The following SIAH2 variants were observed in gnomAD, a reference collection of about 807,000 sequenced individuals.
SIAH2 encodes E3 ubiquitin-protein ligase SIAH2.
Under a neutral mutation model 20.4 loss-of-function variants are expected in SIAH2, and 4 were observed. That is an observed-to-expected ratio of 0.20 (90% CI 0.10 to 0.45). The LOEUF is 0.45. SIAH2 is among the 20% of genes least tolerant of loss of function. The pLI is 0.99. For missense variants in SIAH2, 259 were observed against 440.3 expected (o/e 0.59, Z 3.69); for synonymous variants, 171 against 192.5 (o/e 0.89, Z 0.93).
chr3:150,744,137 C>A (rs1234330682), intron 1 of SIAH2, among the ~76,000 whole-genome samples: 1 of 151,988 alleles, frequency 6.6e-6, no homozygotes, highest in Non-Finnish European at 1.5e-5. Context: ...TCACTAGCAA[C>A]AAGCAGATGG....
Position 150,742,946 on chromosome 3 carries a change from T to C in SIAH2, c.418-248A>G, listed in dbSNP as rs1268930152. Reference sequence around the variant, plus strand: ...CTGTTTTCCATGCCCCCTGTTCCGCTGTCAAAGGGATCAGAACTAAAGTTC... The same window carrying C: ...CTGTTTTCCATGCCCCCTGTTCCGCCGTCAAAGGGATCAGAACTAAAGTTC... On this transcript the variant is annotated intron_variant, in intron 1 of 1. Coordinates refer to ENST00000312960, the MANE Select transcript of SIAH2 (RefSeq NM_005067.7). This position sits in a 1 kb window ranked among gnomAD's most constrained non-coding sequence, Gnocchi z 4.8. Among the ~76,000 whole-genome samples, 1 of 152,234 alleles carries C rather than the reference T, an allele frequency of 6.6e-6. No homozygotes were observed. The highest frequency in any genetic ancestry group is 2.4e-5 in the African/African-American group (1 of 41,458).
At chr3:150,743,083 G>A (rs1489699207) in intron 1 of SIAH2, among the ~76,000 whole-genome samples, 1 of 152,194 alleles carries the variant, frequency 6.6e-6, no homozygotes, top group African/African-American at 2.4e-5. Flanking sequence ...TGGTGGGGAT[G>A]GGGTTGGGCA....
At chr3:150,756,488 T>C (rs747601952) in intron 1 of SIAH2, among the ~76,000 whole-genome samples, 19 of 152,232 alleles carry the variant, frequency 1.2e-4, no homozygotes, top group Non-Finnish European at 2.4e-4. Flanking sequence ...TACTTTTTAA[T>C]GGGGCTTCAA....
In SIAH2 at chr3:150,762,544, G is replaced by C. The variant is rs1346833212; in HGVS notation, c.306C>G (p.Asn102Lys). 6.2e-7 allele frequency: 1 copy of C among 1,613,626 alleles called. No individual in the cohort carries two copies. Among genetic ancestry groups the C allele is most frequent in the Admixed American group, 1.7e-5 (1 of 60,016 alleles). ...AGCAGCTCAACTTCTGGCGGCATTG[G>C]TTACACACCAGGTGCCCGGCCTGGC... ...LQCQAGHLVC[N>K]QCRQKLSCCP... The change falls in exon 1 of 2, where the codon AAC becomes AAG. Residue 102 changes from asparagine (N) to lysine (K), a missense_variant. Physicochemically the swap from Asn to Lys is moderately conservative, Grantham distance 94 (BLOSUM62 0). Transcript: ENST00000312960. The surrounding 1 kb of genome is among the most constrained non-coding windows in gnomAD (Gnocchi z 6.6).
At chr3:150,744,744 G>T (rs1714172129) in intron 1 of SIAH2, among the ~76,000 whole-genome samples, 1 of 152,150 alleles carries the variant, frequency 6.6e-6, no homozygotes, top group South Asian at 2.1e-4. Context: ...GCCCAGGAAT[G>T]AGATGAACTT....
chr3:150,762,633 C>T lies in SIAH2; in HGVS notation c.217G>A (p.Glu73Lys), dbSNP rs1301213153. The T allele has an allele frequency of 6.2e-7, 1 of 1,604,484 alleles. No homozygotes were observed. Among genetic ancestry groups the T allele is most frequent in the Non-Finnish European group, 8.5e-7 (1 of 1,176,828 alleles). The change falls in exon 1 of 2, where the codon GAG becomes AAG. Residue 73 changes from glutamate (E) to lysine (K), a missense_variant. By Grantham distance (56) the Glu-to-Lys change is moderately conservative. Coordinates refer to ENST00000312960, the MANE Select transcript of SIAH2 (RefSeq NM_005067.7). This position sits in a 1 kb window ranked among gnomAD's most constrained non-coding sequence, Gnocchi z 6.6. ...GGACACTCGAAGAGCGAGGTCAGCT[C>T]GTGGTGCTGCGGGGACACCGGGCCG... ...GAGPVSPQHH[E>K]LTSLFECPVC... is the part of the protein sequence containing the mutation.
At position 150,745,216 on chromosome 3, in the gene SIAH2, A is replaced by T. The variant is rs550395714; in HGVS notation, c.418-2518T>A. ...AACAACTGGTGCCACTTTTATGATGACTAAAGTCTAAATTTTAACCCCCTA... is the reference window on the plus strand; with the variant it reads ...AACAACTGGTGCCACTTTTATGATGTCTAAAGTCTAAATTTTAACCCCCTA... On this transcript the variant is annotated intron_variant, in intron 1 of 1. Transcript: ENST00000312960. Among the ~76,000 whole-genome samples the T allele has an allele frequency of 8.7e-5, 13 of 149,844 alleles. No individual in the cohort carries two copies. The South Asian group carries it at 2.8e-3, about 32-fold the overall frequency.
At position 150,741,867 on chromosome 3, in the gene SIAH2, A is replaced by G. The variant is rs563758127; in HGVS notation, c.*274T>C. On this transcript the variant is annotated 3_prime_UTR_variant, in exon 2 of 2. Coordinates refer to ENST00000312960, the MANE Select transcript of SIAH2 (RefSeq NM_005067.7). ...CTGATCTATAGAAGCCCTGTGCAAC[A>G]GCCTGTCAAGTGTTGTTTAGGGAGT... is the stretch of plus-strand genomic sequence containing the variant. 434 of 375,146 alleles carry G rather than the reference A, an allele frequency of 1.2e-3. 4 individuals are homozygous for G. Among genetic ancestry groups the G allele is most frequent in the Non-Finnish European group, 1.8e-3 (374 of 206,118 alleles). 23.2% of individuals were successfully genotyped at this position (375,146 alleles called of 1,614,324 possible). A position where few individuals can be genotyped will look rare whatever the true frequency, so the allele number is the denominator to read the frequency against.
chr3:150,755,002 C>T (rs1233709544), intron 1 of SIAH2, among the ~76,000 whole-genome samples: 4 of 152,064 alleles, frequency 2.6e-5, no homozygotes, highest in South Asian at 2.1e-4. Context: ...CCTCAGACAT[C>T]GGCCATTTAG....
In SIAH2 at chr3:150,762,664, G is replaced by A; in HGVS notation, c.186C>T (p.Gly62=). 2 of 1,348,912 alleles carry A rather than the reference G, an allele frequency of 1.5e-6. No individual in the cohort carries two copies. The highest frequency in any genetic ancestry group is 1.9e-6 in the Non-Finnish European group (2 of 1,034,912). 83.6% of individuals were successfully genotyped at this position (1,348,912 alleles called of 1,614,324 possible). A position where few individuals can be genotyped will look rare whatever the true frequency, so the allele number is the denominator to read the frequency against. ...AAVISGPGGG[G]GAGPVSPQHH... The stretch of plus-strand genomic sequence containing the variant: ...GCTGCGGGGACACCGGGCCGGCCCC[G>A]CCGCCGCCGCCGGGGCCCGAGATCA... The change falls in exon 1 of 2, where the codon GGC becomes GGT. Residue 62 remains glycine, a synonymous_variant. Transcript: ENST00000312960. The surrounding 1 kb of genome is among the most constrained non-coding windows in gnomAD (Gnocchi z 6.6).
At position 150,762,816 on chromosome 3, in the gene SIAH2, T is replaced by C; in HGVS notation, c.34A>G (p.Asn12Asp). 8.2e-7 allele frequency: 1 copy of C among 1,222,294 alleles called. No individual in the cohort carries two copies. The allele number at this position is 1,222,294 out of a possible 1,614,324, so 75.7% of individuals were successfully genotyped here. A position where few individuals can be genotyped will look rare whatever the true frequency, so the allele number is the denominator to read the frequency against. ...GGCGGCTGCTTGCTGCAGGGTTTATTAGCGCTGGGGCCGGTGGAGGACGGG... is the reference window on the plus strand; with the variant it reads ...GGCGGCTGCTTGCTGCAGGGTTTATCAGCGCTGGGGCCGGTGGAGGACGGG... ...SRPSSTGPSA[N>D]KPCSKQPPPQ... The change falls in exon 1 of 2, where the codon AAT (asparagine) becomes GAT (aspartate). Residue 12 changes from asparagine (N) to aspartate (D), a missense_variant. Physicochemically the swap from Asn to Asp is conservative, Grantham distance 23. Around this residue, in one of 2 missense-constraint regions of SIAH2, gnomAD observed 99 missense variants for 112.7 expected, o/e 0.88. Coordinates refer to ENST00000312960, the MANE Select transcript of SIAH2 (RefSeq NM_005067.7). This position sits in a 1 kb window ranked among gnomAD's most constrained non-coding sequence, Gnocchi z 6.6.
intron 1 of SIAH2, among the ~76,000 whole-genome samples, chr3:150,747,846 C>T (rs1714258471): frequency 1.3e-5 from 2 of 151,674 alleles, no homozygotes; most frequent in African/African-American, 2.4e-5. Flanking sequence ...CACCTGTAAT[C>T]CCAGCTACCC....
chr3:150,752,950 T>A (rs1211104158), intron 1 of SIAH2, among the ~76,000 whole-genome samples: 1 of 152,198 alleles, frequency 6.6e-6, no homozygotes, highest in Non-Finnish European at 1.5e-5. Flanking sequence ...ACTTAAAAAC[T>A]GCACGAGCAT....
intron 1 of SIAH2, among the ~76,000 whole-genome samples, chr3:150,760,466 T>C (rs552383239): frequency 1.3e-5 from 2 of 152,318 alleles, no homozygotes; most frequent in African/African-American, 4.8e-5. Flanking sequence ...CTCTTCAAGG[T>C]TGATTTCAGT....
rs546491973 is a variant in SIAH2, at chr3:150,749,075, C to G, written c.418-6377G>C. Among the ~76,000 whole-genome samples, 224 of 152,162 alleles carry G rather than the reference C, an allele frequency of 1.5e-3. 1 individual carries two copies. The highest frequency in any genetic ancestry group is 5.3e-3 in the African/African-American group (221 of 41,514). On this transcript the variant is annotated intron_variant, in intron 1 of 1. Transcript: ENST00000312960. The stretch of plus-strand genomic sequence containing the variant: ...ACATTCAAATGGTTAAAAAAAAGTA[C>G]GAGCAAAGACAGCACAAATGATAAA...
intron 1 of SIAH2, among the ~76,000 whole-genome samples, chr3:150,749,396 T>C (rs775263388): frequency 1.3e-5 from 2 of 151,436 alleles, no homozygotes; most frequent in Admixed American, 1.3e-4. Context: ...TCCCGGCTAC[T>C]AGGAGGGCAA....
At chr3:150,759,032 A>C (rs1714546253) in intron 1 of SIAH2, among the ~76,000 whole-genome samples, 1 of 152,060 alleles carries the variant, frequency 6.6e-6, no homozygotes, top group African/African-American at 2.4e-5. Context: ...GACGTGAGCC[A>C]CTGCGCCTGG....
chr3:150,742,767 G>A lies in SIAH2; in HGVS notation c.418-69C>T, dbSNP rs1284709379. 3.9e-6 allele frequency: 5 copies of A among 1,288,708 alleles called. No homozygotes were observed. The East Asian group carries it at 7.2e-5, about 19-fold the overall frequency. 79.8% of individuals were successfully genotyped at this position (1,288,708 alleles called of 1,614,324 possible). The stretch of plus-strand genomic sequence containing the variant: ...CTTCTATTGCTTCAACCCTCTATGA[G>A]TACTTAACTACTCCATTTTCCTGGG... On this transcript the variant is annotated intron_variant, in intron 1 of 1. Transcript: ENST00000312960. The surrounding 1 kb of genome is among the most constrained non-coding windows in gnomAD (Gnocchi z 4.8).
chr3:150,762,511 C>T lies in SIAH2; in HGVS notation c.339G>A (p.Thr113=). ...QCRQKLSCCP[T]CRGALTPSIR... is the part of the protein sequence containing the mutation. ...TGCTGGGCGTCAGGGCGCCCCTGCA[C>T]GTCGGGCAGCAGCTCAACTTCTGGC... The change falls in exon 1 of 2, where the codon ACG becomes ACA. Residue 113 remains threonine (T), a synonymous_variant. Coordinates refer to ENST00000312960, the MANE Select transcript of SIAH2 (RefSeq NM_005067.7). The surrounding 1 kb of genome is among the most constrained non-coding windows in gnomAD (Gnocchi z 6.6). 6.2e-7 allele frequency: 1 copy of T among 1,613,636 alleles called. No homozygotes were observed. Among genetic ancestry groups the T allele is most frequent in the East Asian group, 2.2e-5 (1 of 44,838 alleles).
Sources: gnomAD v4.1 joint callset for allele counts (sites outside exome capture counted in the v4.1 genomes callset) on GRCh38, gnomAD v4.1.1 for gene constraint, gnomAD v4.1.1 regional missense constraint, Gnocchi (gnomAD v3.1) non-coding constraint, MANE v1.5 for transcripts, NCBI Gene and HGNC (gene_info 2026-07-23, HGNC 2026-07-21) for gene names.